KCNH8: variants seen among roughly 807,000 people sequenced by gnomAD.
KCNH8 encodes the protein voltage-gated delayed rectifier potassium channel KCNH8.
In KCNH8, 70 loss-of-function variants were observed where a neutral mutation model predicts 103.6. That is an observed-to-expected ratio of 0.68 (90% CI 0.56 to 0.82). The LOEUF (loss-of-function observed/expected upper bound fraction) is 0.82. KCNH8 is among the 40% of genes least tolerant of loss of function. The probability of loss-of-function intolerance (pLI) is 0.00; values close to 1 mark genes in which losing one functional copy is unlikely to be tolerated. For synonymous variants in KCNH8, 498 were observed against 489.4 expected, an observed-to-expected ratio of 1.02 and a Z score of -0.23; for missense variants, 1,217 against 1,329.9, an observed-to-expected ratio of 0.92 and a Z score of 1.32.
chr3:19,209,892 T>C (rs1413252826), intron 1 of KCNH8, among the ~76,000 whole-genome samples: 2 of 152,046 alleles, frequency 1.3e-5, no homozygotes. Flanking sequence ...GTGTAGTCCC[T>C]AGGTAAGCCC....
At chr3:19,155,019 T>C (rs2063167569) in intron 1 of KCNH8, among the ~76,000 whole-genome samples, 1 of 152,238 alleles carries the variant, frequency 6.6e-6, no homozygotes, top group African/African-American at 2.4e-5. Flanking sequence ...TTCTCAGTAA[T>C]TTAAACAGGC....
At chr3:19,501,976 C>G (rs1341021147) in intron 11 of KCNH8, among the ~76,000 whole-genome samples, 3 of 152,068 alleles carry the variant, frequency 2.0e-5, no homozygotes, top group Non-Finnish European at 4.4e-5. Flanking sequence ...AAGAGGAAGT[C>G]AAATTGTCTC....
At chr3:19,338,409 T>C (rs1559482518) in intron 3 of KCNH8, among the ~76,000 whole-genome samples, 1 of 152,014 alleles carries the variant, frequency 6.6e-6, no homozygotes, top group Non-Finnish European at 1.5e-5. Context: ...CCACCACCAC[T>C]ACCACCACCA....
At chr3:19,358,270 C>G (rs1293672702) in intron 5 of KCNH8, among the ~76,000 whole-genome samples, 4 of 133,794 alleles carry the variant, frequency 3.0e-5, no homozygotes. Flanking sequence ...TCTTTTTTTC[C>G]TTCTTCTCTC....
Position 19,437,152 on chromosome 3 carries a change from T to C in KCNH8, c.1178-1012T>C, listed in dbSNP as rs142603771. Among the ~76,000 whole-genome samples, 21 of 152,326 alleles carry C rather than the reference T, an allele frequency of 1.4e-4. 1 individual carries two copies. The East Asian group carries it at 3.7e-3, about 27-fold the overall frequency. ...TTGAGCAGTCATTCAATCAAGTGTT[T>C]ATTAGAAAGTAGTAGTTAGTATCCA... On this transcript the variant is annotated intron_variant, in intron 7 of 15. Transcript: ENST00000328405.
intron 2 of KCNH8, among the ~76,000 whole-genome samples, chr3:19,279,053 A>C (rs936441421): frequency 2.0e-5 from 3 of 152,114 alleles, no homozygotes; most frequent in African/African-American, 4.8e-5. Flanking sequence ...ATTGACAGAG[A>C]GGTGCTTTAA....
At chr3:19,469,256 T>C (rs551290593) in intron 11 of KCNH8, among the ~76,000 whole-genome samples, 1 of 152,328 alleles carries the variant, frequency 6.6e-6, no homozygotes, top group African/African-American at 2.4e-5. Context: ...AAGTGTTTTG[T>C]CAGTTGTGTA....
chr3:19,380,828 A>G lies in KCNH8; in HGVS notation c.812-9653A>G, dbSNP rs534109645. On this transcript the variant is annotated intron_variant, in intron 5 of 15. Transcript: ENST00000328405. ...TCTTTTTGTGATTTTACTGTTCACAATTACTAAAAATAGACTGAATTATTG... is the reference window on the plus strand; with the variant it reads ...TCTTTTTGTGATTTTACTGTTCACAGTTACTAAAAATAGACTGAATTATTG... Among the ~76,000 whole-genome samples, 3 of 152,336 alleles carry G rather than the reference A, an allele frequency of 2.0e-5. 1 individual carries two copies. Among genetic ancestry groups the G allele is most frequent in the South Asian group, 4.1e-4 (2 of 4,830 alleles).
At chr3:19,443,247 A>G (rs2067308506) in intron 8 of KCNH8, among the ~76,000 whole-genome samples, 1 of 151,608 alleles carries the variant, frequency 6.6e-6, no homozygotes, top group African/African-American at 2.4e-5. Flanking sequence ...AACTCCAGAT[A>G]ATTATCAAGG....
intron 1 of KCNH8, among the ~76,000 whole-genome samples, chr3:19,232,551 A>G (rs2064008380): frequency 6.6e-6 from 1 of 152,216 alleles, no homozygotes; most frequent in African/African-American, 2.4e-5. Flanking sequence ...CTTTTGTAAA[A>G]ATTAGAAAAA....
intron 3 of KCNH8, among the ~76,000 whole-genome samples, chr3:19,341,090 T>A (rs1204145500): frequency 1.3e-5 from 2 of 152,210 alleles, no homozygotes; most frequent in East Asian, 3.9e-4. Context: ...GATTCTTCTT[T>A]TGAGGTGGGC....
intron 11 of KCNH8, among the ~76,000 whole-genome samples, chr3:19,471,186 CT>C (rs1251805758): frequency 3.3e-5 from 5 of 152,198 alleles, no homozygotes; most frequent in African/African-American, 1.2e-4. Context: ...TCCTTGGTTG[CT>C]TCCATCCTGA....
chr3:19,315,258 AG>A (rs34565843), intron 3 of KCNH8, among the ~76,000 whole-genome samples: 1 of 152,010 alleles, frequency 6.6e-6, no homozygotes, highest in African/African-American at 2.4e-5. Flanking sequence ...GTAGGATCAC[AG>A]GGCATCCAAG....
intron 1 of KCNH8, among the ~76,000 whole-genome samples, chr3:19,196,228 T>A (rs1268712926): frequency 2.0e-5 from 3 of 151,956 alleles, no homozygotes; most frequent in African/African-American, 7.2e-5. Flanking sequence ...TGCATATGCC[T>A]AAACCTCATA....
intron 2 of KCNH8, among the ~76,000 whole-genome samples, chr3:19,268,834 T>G (rs2064549799): frequency 6.6e-6 from 1 of 152,084 alleles, no homozygotes; most frequent in Non-Finnish European, 1.5e-5. Flanking sequence ...CATGGCTTGG[T>G]CCAGGATGTA....
At chr3:19,440,080 A>C (rs1484837289) in intron 8 of KCNH8, among the ~76,000 whole-genome samples, 1 of 152,168 alleles carries the variant, frequency 6.6e-6, no homozygotes, top group Non-Finnish European at 1.5e-5. Context: ...CTAACAGTAG[A>C]AAGCAGGCTA....
intron 8 of KCNH8, 65 bp downstream of exon 8, chr3:19,438,426 T>G: frequency 1.5e-6 from 2 of 1,330,496 alleles, no homozygotes; most frequent in Non-Finnish European, 2.1e-6. Context: ...CACTGCCTGT[T>G]TGTTCTGTCC....
chr3:19,416,522 C>G (rs1400495372), intron 7 of KCNH8, among the ~76,000 whole-genome samples: 1 of 152,108 alleles, frequency 6.6e-6, no homozygotes, highest in Non-Finnish European at 1.5e-5. Context: ...TCATTGTGTT[C>G]TAAGTTTCTG....
At chr3:19,477,417 T>A (rs970112936) in intron 11 of KCNH8, among the ~76,000 whole-genome samples, 1 of 149,214 alleles carries the variant, frequency 6.7e-6, no homozygotes, top group East Asian at 2.1e-4. Flanking sequence ...AGGATTTTTT[T>A]GGTTTTCTTT....
Sources: allele counts gnomAD v4.1 joint callset (sites outside exome capture counted in the v4.1 genomes callset), GRCh38; gene constraint gnomAD v4.1.1; transcripts MANE v1.5; gene names NCBI Gene and HGNC (gene_info 2026-07-23, HGNC 2026-07-21).